PTPN21: variants seen among roughly 807,000 people sequenced by gnomAD.
PTPN21 encodes the protein protein tyrosine phosphatase non-receptor type 21, also known as tyrosine-protein phosphatase non-receptor type 21.
PTPN21 carries 77 observed loss-of-function variants against 131.8 expected under a neutral mutation model. That is an observed-to-expected ratio of 0.58 (90% confidence interval 0.49 to 0.71). The LOEUF is 0.71. Ranked by LOEUF, PTPN21 falls within the 30% of genes least tolerant of loss-of-function variation. The probability of loss-of-function intolerance (pLI) is 0.00; values close to 1 mark genes in which losing one functional copy is unlikely to be tolerated. For missense variants in PTPN21, 1,552 were observed against 1,527.1 expected (o/e 1.02, Z -0.27); for synonymous variants, 715 against 621.3 (o/e 1.15, Z -2.24).
chr14:88,533,294 T>A (rs2078579310), intron 2 of PTPN21, among the ~76,000 whole-genome samples: 2 of 152,178 alleles, frequency 1.3e-5, no homozygotes, highest in African/African-American at 4.8e-5. Flanking sequence ...ACGTGCCGCA[T>A]AACAATGTTT....
intron 10 of PTPN21, among the ~76,000 whole-genome samples, chr14:88,494,536 C>T (rs1035373817): frequency 6.6e-6 from 1 of 152,078 alleles, no homozygotes; most frequent in African/African-American, 2.4e-5. Flanking sequence ...CAGGTACACA[C>T]CTGTGGTACC....
Position 88,480,030 on chromosome 14 carries a change from C to A in PTPN21, c.1401G>T (p.Arg467=). Residue 467 remains arginine (R), a synonymous_variant, in exon 13 of 19, where the codon CGG becomes CGT. Transcript: ENST00000556564. ...TGAGGTTTCGCAGCGAGTGGCTCTG[C>A]CGTTCCGCATGCACCAGGCCCCTGT... ...QLNRGLVHAE[R]QSHSLRNLNI... is the part of the protein sequence containing the mutation. 1 of 1,613,782 alleles carries A rather than the reference C, an allele frequency of 6.2e-7. No homozygotes were observed.
chr14:88,485,213 A>AG, intron 11 of PTPN21, 53 bp from the exon 12 acceptor site: 1 of 1,130,942 alleles, frequency 8.8e-7, no homozygotes, highest in South Asian at 1.9e-5. Context: ...TATGTAATAC[A>AG]GGTAAAGTTA....
At chr14:88,511,691 A>G (rs1870187909) in intron 3 of PTPN21, among the ~76,000 whole-genome samples, 1 of 152,218 alleles carries the variant, frequency 6.6e-6, no homozygotes, top group Admixed American at 6.5e-5. Flanking sequence ...AAAACAAAGC[A>G]GTAATAAAAT....
intron 6 of PTPN21, among the ~76,000 whole-genome samples, chr14:88,503,336 G>A (rs1027010325): frequency 6.6e-5 from 10 of 152,164 alleles, no homozygotes; most frequent in African/African-American, 2.4e-4. Flanking sequence ...CCCAGCCAGA[G>A]ATAACAAAAT....
At chr14:88,529,012 C>T (rs1257820274) in intron 2 of PTPN21, among the ~76,000 whole-genome samples, 2 of 152,116 alleles carry the variant, frequency 1.3e-5, no homozygotes, top group Non-Finnish European at 2.9e-5. Context: ...TGCAGTACTA[C>T]GTTGAAGAGA....
intron 13 of PTPN21, 70 bp from the exon 14 acceptor site, chr14:88,473,872 C>T: frequency 7.3e-7 from 1 of 1,373,796 alleles, no homozygotes; most frequent in South Asian, 1.4e-5. Flanking sequence ...AGTTTCAATG[C>T]ACTGAAGACC....
At position 88,468,947 on chromosome 14, in the gene PTPN21, T is replaced by C; in HGVS notation, c.3365A>G (p.Glu1122Gly). The change falls in exon 18 of 19, where the codon GAG becomes GGG. Residue 1122 changes from glutamate to glycine, a missense_variant. Glu to Gly is a moderately conservative substitution (Grantham distance 98, BLOSUM62 -2). This residue lies in a region of PTPN21 where 316 missense variants were observed against 378.5 expected (regional missense o/e 0.83). Transcript: ENST00000556564. ...VGRTGVVILS[E>G]IMIACLEHNE... ...GTGTTCCAGGCAGGCGATCATGATC[T>C]CCGACAAAATCACCACGCCAGTCCT... The C allele has an allele frequency of 6.2e-7, 1 of 1,614,154 alleles. No individual in the cohort carries two copies. The highest frequency in any genetic ancestry group is 8.5e-7 in the Non-Finnish European group (1 of 1,180,034).
At chr14:88,497,331 AT>A in intron 8 of PTPN21, 41 bp from the exon 9 acceptor site, 1 of 1,473,782 alleles carries the variant, frequency 6.8e-7, no homozygotes, top group Non-Finnish European at 9.5e-7. Flanking sequence ...GTGAGTGCCC[AT>A]GGGGGAAACA....
chr14:88,534,360 G>A (rs929451105), intron 2 of PTPN21, among the ~76,000 whole-genome samples: 1 of 150,400 alleles, frequency 6.6e-6, no homozygotes, highest in Non-Finnish European at 1.5e-5. Flanking sequence ...CCCAGCCTGG[G>A]CAACAAAGTA....
chr14:88,469,157 A>T lies in PTPN21; in HGVS notation c.3236-81T>A. 2 of 1,424,662 alleles carry T rather than the reference A, an allele frequency of 1.4e-6. No individual in the cohort carries two copies. Among genetic ancestry groups the T allele is most frequent in the South Asian group, 1.4e-5 (1 of 73,108 alleles). 88.3% of individuals were successfully genotyped at this position (1,424,662 alleles called of 1,614,324 possible). The stretch of plus-strand genomic sequence containing the variant: ...TTGACTCAATCTTCATATTCTCTCC[A>T]CTGATTAAGAGGACTGCAGATAAAG... On this transcript the variant is annotated intron_variant, in intron 17 of 18. Coordinates refer to ENST00000556564, the MANE Select transcript of PTPN21 (RefSeq NM_007039.4). The surrounding 1 kb of genome is among the most constrained non-coding windows in gnomAD (Gnocchi z 4.3).
At chr14:88,481,587 G>A (rs1307369725) in intron 12 of PTPN21, among the ~76,000 whole-genome samples, 1 of 152,174 alleles carries the variant, frequency 6.6e-6, no homozygotes, top group African/African-American at 2.4e-5. Context: ...GGCAAGAAAA[G>A]GGGAAAGGTA....
At chr14:88,471,177 C>CA (rs1161726354) in intron 15 of PTPN21, among the ~76,000 whole-genome samples, 1 of 152,156 alleles carries the variant, frequency 6.6e-6, no homozygotes, top group African/African-American at 2.4e-5. Flanking sequence ...GGCAGACTGC[C>CA]AGTCTCCAGA....
intron 1 of PTPN21, among the ~76,000 whole-genome samples, chr14:88,552,679 A>AT (rs1477759817): frequency 6.6e-6 from 1 of 152,232 alleles, no homozygotes; most frequent in Non-Finnish European, 1.5e-5. Flanking sequence ...CTGTAGGTAA[A>AT]AGCACCATAC....
At chr14:88,506,773 G>A (rs1595379684) in intron 4 of PTPN21, among the ~76,000 whole-genome samples, 2 of 152,148 alleles carry the variant, frequency 1.3e-5, no homozygotes, top group African/African-American at 4.8e-5. Context: ...CAGCCACGGT[G>A]GCTCACATCT....
intron 2 of PTPN21, among the ~76,000 whole-genome samples, chr14:88,525,907 G>A (rs2078467375): frequency 6.6e-6 from 1 of 152,192 alleles, no homozygotes; most frequent in Admixed American, 6.5e-5. Context: ...CAATGTGGAT[G>A]ACATTCAAAA....
chr14:88,506,938 C>T (rs1024320704), intron 4 of PTPN21, among the ~76,000 whole-genome samples: 1 of 151,690 alleles, frequency 6.6e-6, no homozygotes, highest in Non-Finnish European at 1.5e-5. Context: ...CCCAGGTACT[C>T]GGGAGGCTGA....
rs2077598304 is a variant in PTPN21, at chr14:88,479,264, TCTCCTCCTCGAAGTCCTCGTCCTC to T, written c.2143_2166del (p.Glu715_Glu722del). 3.7e-6 allele frequency: 6 copies of T among 1,612,510 alleles called. No homozygotes were observed. Among genetic ancestry groups the T allele is most frequent in the South Asian group, 2.2e-5 (2 of 91,010 alleles). ...CGTGCAGGAGGCGCCCGGGCCCCGC[TCTCCTCCTCGAAGTCCTCGTCCTC>T]CTCCTCCTCGCTGCTGTGGATTAGC... On this transcript the variant is annotated inframe_deletion, in exon 13 of 19. Transcript: ENST00000556564.
At chr14:88,477,849 G>T (rs1163818304) in intron 13 of PTPN21, among the ~76,000 whole-genome samples, 1 of 152,146 alleles carries the variant, frequency 6.6e-6, no homozygotes, top group East Asian at 1.9e-4. Flanking sequence ...TGACAAGGCC[G>T]CAGATGCTTA....
Sources: allele counts gnomAD v4.1 joint callset (sites outside exome capture counted in the v4.1 genomes callset), GRCh38; gene constraint gnomAD v4.1.1; regional missense constraint gnomAD v4.1.1; non-coding constraint Gnocchi (gnomAD v3.1); transcripts MANE v1.5; gene names NCBI Gene and HGNC (gene_info 2026-07-23, HGNC 2026-07-21).